Variants in YPEL1 observed in about 807,000 individuals in gnomAD.
The protein encoded by YPEL1 is protein yippee-like 1.
In YPEL1, 7 loss-of-function variants were observed where a neutral mutation model predicts 17.3. That is an observed-to-expected ratio of 0.40 (90% CI 0.23 to 0.76). The LOEUF (loss-of-function observed/expected upper bound fraction) is 0.76. Ranked by LOEUF, YPEL1 falls within the 30% of genes least tolerant of loss-of-function variation. The probability of loss-of-function intolerance (pLI) is 0.35; values close to 1 mark genes in which losing one functional copy is unlikely to be tolerated. For missense variants in YPEL1, 91 were observed against 155.5 expected (o/e 0.59, Z 2.21); for synonymous variants, 59 against 59.6 (o/e 0.99, Z 0.05).
In YPEL1 at chr22:21,700,945, A is replaced by C; in HGVS notation, c.*184T>G. ...AAAATTTTCAGAAACAACTGTGTACACGAAGAGGACAGATCCGAGGGACAC... is the reference window on the plus strand; with the variant it reads ...AAAATTTTCAGAAACAACTGTGTACCCGAAGAGGACAGATCCGAGGGACAC... On this transcript the variant is annotated 3_prime_UTR_variant, in exon 5 of 5. Transcript: ENST00000339468. The C allele has an allele frequency of 2.0e-6, 1 of 508,504 alleles. No homozygotes were observed. Among genetic ancestry groups the C allele is most frequent in the Non-Finnish European group, 3.5e-6 (1 of 284,556 alleles). The allele number at this position is 508,504 out of a possible 1,614,324, so 31.5% of individuals were successfully genotyped here. A position where few individuals can be genotyped will look rare whatever the true frequency, so the allele number is the denominator to read the frequency against.
In YPEL1 at chr22:21,703,724, G is replaced by T; in HGVS notation, c.161+115C>A. On this transcript the variant is annotated intron_variant, in intron 3 of 4. Transcript: ENST00000339468. The surrounding 1 kb of genome is among the most constrained non-coding windows in gnomAD (Gnocchi z 6.1). Reference sequence around the variant, plus strand: ...AGAAACTCCCGGCGGGGGGATGGTGGGTTCTTTCAGGACCCCTAAAGACCC... The same window carrying T: ...AGAAACTCCCGGCGGGGGGATGGTGTGTTCTTTCAGGACCCCTAAAGACCC... 1.7e-6 allele frequency: 2 copies of T among 1,207,002 alleles called. No individual in the cohort carries two copies. Among genetic ancestry groups the T allele is most frequent in the Non-Finnish European group, 2.3e-6 (2 of 861,266 alleles). 74.8% of individuals were successfully genotyped at this position (1,207,002 alleles called of 1,614,324 possible).
At chr22:21,728,500 G>A (rs953338400) in intron 1 of YPEL1, among the ~76,000 whole-genome samples, 1 of 152,134 alleles carries the variant, frequency 6.6e-6, no homozygotes, top group African/African-American at 2.4e-5. Flanking sequence ...TAAGAGATGC[G>A]TGTCCTTATT....
Position 21,698,284 on chromosome 22 carries a change from G to T in YPEL1, c.*2845C>A, listed in dbSNP as rs2068016315. On this transcript the variant is annotated 3_prime_UTR_variant, in exon 5 of 5. Transcript: ENST00000339468. ...TACAAAAAAAAAAAAAAATACAAAA[G>T]TCATAAGACTACTAGTAAAAAATGT... The T allele has an allele frequency of 7.0e-6, 1 of 141,974 alleles. No individual in the cohort carries two copies. Among genetic ancestry groups the T allele is most frequent in the Non-Finnish European group, 1.6e-5 (1 of 64,206 alleles). 8.8% of individuals were successfully genotyped at this position (141,974 alleles called of 1,614,324 possible).
chr22:21,719,040 T>C (rs1476430850), intron 1 of YPEL1, among the ~76,000 whole-genome samples: 3 of 152,322 alleles, frequency 2.0e-5, no homozygotes, highest in East Asian at 3.9e-4. Context: ...ATCTTATCTA[T>C]TGCCCTGAAC....
intron 1 of YPEL1, among the ~76,000 whole-genome samples, chr22:21,723,484 C>G (rs1178122411): frequency 6.6e-6 from 1 of 152,148 alleles, no homozygotes; most frequent in African/African-American, 2.4e-5. Context: ...TCTCCTGCCT[C>G]AGCCTCCAGA....
chr22:21,709,917 A>C (rs1325273030), intron 2 of YPEL1, among the ~76,000 whole-genome samples: 1 of 150,538 alleles, frequency 6.6e-6, no homozygotes. Context: ...ATGACGTATG[A>C]GGATGCGGGG....
rs532733046 is a variant in YPEL1 at position 21,724,246 on chromosome 22, T to C, written c.-165+11369A>G. Among the ~76,000 whole-genome samples, 6 of 152,216 alleles carry C rather than the reference T, an allele frequency of 3.9e-5. No individual in the cohort carries two copies. The South Asian group carries it at 1.0e-3, about 26-fold the overall frequency. ...AATTTAGTATTTTGTAATTATGAAA[T>C]AGTTCATTAAGGCTGGGCATGGTGG... is the stretch of plus-strand genomic sequence containing the variant. On this transcript the variant is annotated intron_variant, in intron 1 of 4. Transcript: ENST00000339468.
chr22:21,724,536 TG>T (rs1227798440), intron 1 of YPEL1, among the ~76,000 whole-genome samples: 1 of 150,704 alleles, frequency 6.6e-6, no homozygotes, highest in Admixed American at 6.6e-5. Flanking sequence ...GACCTCATCC[TG>T]GGGGGAAAAA....
At chr22:21,719,413 TTTCCCTGGAC>T (rs1259583872) in intron 1 of YPEL1, among the ~76,000 whole-genome samples, 1 of 152,222 alleles carries the variant, frequency 6.6e-6, no homozygotes, top group African/African-American at 2.4e-5. Flanking sequence ...TTCTCTCTTC[TTTCCCTGGAC>T]TTCCCTTTAA....
rs2068036758 is a variant in YPEL1, at chr22:21,699,088, C to T, written c.*2041G>A. The T allele has an allele frequency of 6.6e-6, 1 of 152,482 alleles. No individual in the cohort carries two copies. The highest frequency in any genetic ancestry group is 1.5e-5 in the Non-Finnish European group (1 of 68,118). 9.4% of individuals were successfully genotyped at this position (152,482 alleles called of 1,614,324 possible). A position where few individuals can be genotyped will look rare whatever the true frequency, so the allele number is the denominator to read the frequency against. On this transcript the variant is annotated 3_prime_UTR_variant, in exon 5 of 5. Coordinates refer to ENST00000339468, the MANE Select transcript of YPEL1 (RefSeq NM_013313.5). Reference sequence around the variant, plus strand: ...TCCAGGCTTGGGCAAAGAGATGGCACCCAAAGGCATGCTGTGTGTGGGCAG... The same window carrying T: ...TCCAGGCTTGGGCAAAGAGATGGCATCCAAAGGCATGCTGTGTGTGGGCAG...
chr22:21,735,051 T>C (rs1171998417), intron 1 of YPEL1, among the ~76,000 whole-genome samples: 1 of 152,180 alleles, frequency 6.6e-6, no homozygotes, highest in East Asian at 1.9e-4. Flanking sequence ...ACATCAAAGA[T>C]GTCAATCAGA....
At chr22:21,711,459 A>G (rs1429135023) in intron 1 of YPEL1, among the ~76,000 whole-genome samples, 1 of 152,164 alleles carries the variant, frequency 6.6e-6, no homozygotes, top group Non-Finnish European at 1.5e-5. Flanking sequence ...GGCTGGATGC[A>G]CCCCACCCCG....
chr22:21,733,201 T>C (rs979150955), intron 1 of YPEL1, among the ~76,000 whole-genome samples: 1 of 151,998 alleles, frequency 6.6e-6, no homozygotes, highest in Admixed American at 6.6e-5. Flanking sequence ...GCAGATCATC[T>C]GAGGTCAAGA....
intron 1 of YPEL1, among the ~76,000 whole-genome samples, chr22:21,716,357 C>G (rs1360988098): frequency 2.6e-5 from 4 of 152,250 alleles, no homozygotes; most frequent in Non-Finnish European, 5.9e-5. Flanking sequence ...TTCTTAAAGG[C>G]ATCCAGGGGC....
At chr22:21,729,147 GAA>G (rs754274655) in intron 1 of YPEL1, among the ~76,000 whole-genome samples, 1 of 121,140 alleles carries the variant, frequency 8.3e-6, no homozygotes, top group Non-Finnish European at 1.8e-5. Flanking sequence ...CCATCCTGAA[GAA>G]AAAAAAAAAA....
At chr22:21,708,029 GT>G (rs1476932139) in intron 2 of YPEL1, among the ~76,000 whole-genome samples, 1 of 152,122 alleles carries the variant, frequency 6.6e-6, no homozygotes, top group Non-Finnish European at 1.5e-5. Flanking sequence ...GGGATTCCTT[GT>G]TAGTGACAAA....
intron 1 of YPEL1, among the ~76,000 whole-genome samples, chr22:21,730,614 A>G (rs1391420134): frequency 6.6e-6 from 1 of 152,262 alleles, no homozygotes; most frequent in African/African-American, 2.4e-5. Flanking sequence ...CAGCATGGGT[A>G]CAATTTGCCT....
intron 1 of YPEL1, among the ~76,000 whole-genome samples, chr22:21,727,142 T>A (rs1424736579): frequency 6.6e-6 from 1 of 152,158 alleles, no homozygotes; most frequent in African/African-American, 2.4e-5. Flanking sequence ...TTGAGTCTGG[T>A]CACTGCACAG....
At chr22:21,717,131 C>T (rs1238757334) in intron 1 of YPEL1, among the ~76,000 whole-genome samples, 1,350 of 62,218 alleles carry the variant, frequency 0.022, 20 homozygotes, top group African/African-American at 0.057. Context: ...TTTGGGAGGC[C>T]GGGGCTGGGG....
Sources: gnomAD v4.1 joint callset for allele counts (sites outside exome capture counted in the v4.1 genomes callset) on GRCh38, gnomAD v4.1.1 for gene constraint, Gnocchi (gnomAD v3.1) non-coding constraint, MANE v1.5 for transcripts, NCBI Gene and HGNC (gene_info 2026-07-23, HGNC 2026-07-21) for gene names.